BRICD5: variants seen among roughly 807,000 people sequenced by gnomAD.
BRICD5 encodes the protein BRICHOS domain containing 5.
BRICD5 carries 51 observed loss-of-function variants against 28.4 expected under a neutral mutation model. The ratio of observed to expected loss-of-function variants is 1.80; its 90% CI spans 1.43 to 2.27. The LOEUF is 2.27. Among genes scored for constraint, BRICD5 ranks in the 30% most tolerant of loss-of-function variants. BRICD5 has a pLI of 0.00. For synonymous variants in BRICD5, 177 were observed against 130.2 expected, an observed-to-expected ratio of 1.36 and a Z score of -2.44; for missense variants, 456 against 309.6, an observed-to-expected ratio of 1.47 and a Z score of -3.55.
chr16:2,209,873 C>G, intron 4 of BRICD5, 77 bp downstream of exon 4: 1 of 1,411,674 alleles, frequency 7.1e-7, no homozygotes, highest in Non-Finnish European at 9.5e-7. Flanking sequence ...ACAGCTCCAG[C>G]CTGTCCCGTA....
Position 2,210,191 on chromosome 16 carries a change from C to T in BRICD5, c.271G>A (p.Ala91Thr), listed in dbSNP as rs757030655. ...TILVDVARNA[A>T]TITVTPPQSN... ...TGAGGTGGGGTCACTGTGATGGTCG[C>T]CGCGTTCCGGGCCACGTCCACCAGG... The change falls in exon 3 of 6, where the codon GCG (alanine) becomes ACG (threonine). Residue 91 changes from alanine to threonine, a missense_variant. Physicochemically the swap from Ala to Thr is moderately conservative, Grantham distance 58 (BLOSUM62 0). Coordinates refer to ENST00000328540, the MANE Select transcript of BRICD5 (RefSeq NM_182563.4). 1 of 1,600,858 alleles carries T rather than the reference C, an allele frequency of 6.2e-7. No individual in the cohort carries two copies. Among genetic ancestry groups the T allele is most frequent in the Admixed American group, 1.7e-5 (1 of 58,848 alleles).
rs1159573153 is a variant in BRICD5, at chr16:2,210,008, A to G, written c.380T>C (p.Leu127Pro). ...YRPEEHQVCF[L>P]RLMEDSDRET... ...CCGATCACTGTCCTCCATCAGGCGG[A>G]GGAAGCAGACCTGGTGCTCCTCAGG... The change falls in exon 4 of 6, where the codon CTC becomes CCC. Residue 127 changes from leucine (L) to proline (P), a missense_variant. Leu to Pro is a moderately conservative substitution (Grantham distance 98, BLOSUM62 -3). Transcript: ENST00000328540. The G allele has an allele frequency of 1.9e-6, 3 of 1,563,072 alleles. No homozygotes were observed. Among genetic ancestry groups the G allele is most frequent in the Admixed American group, 3.6e-5 (2 of 55,788 alleles).
intron 1 of BRICD5, 41 bp downstream of exon 1, chr16:2,210,742 C>A (rs746683461): frequency 4.4e-6 from 7 of 1,608,714 alleles, no homozygotes; most frequent in Non-Finnish European, 5.9e-6. Context: ...GCCTGGGGCA[C>A]CCCCTGGGTC....
At position 2,210,849 on chromosome 16, in the gene BRICD5, C is replaced by T. The variant is rs761061115; in HGVS notation, c.-16G>A. 1 of 1,600,712 alleles carries T rather than the reference C, an allele frequency of 6.2e-7. No homozygotes were observed. The highest frequency in any genetic ancestry group is 8.5e-7 in the Non-Finnish European group (1 of 1,179,868). On this transcript the variant is annotated 5_prime_UTR_variant, in exon 1 of 6. Coordinates refer to ENST00000328540, the MANE Select transcript of BRICD5 (RefSeq NM_182563.4). ...CTGGTTCCATCCTGCAGCCCCTGCT[C>T]ACAATGTGCCGATTGTCTGCGTCCC...
Position 2,210,261 on chromosome 16 carries a change from T to C in BRICD5, c.201A>G (p.Arg67=), listed in dbSNP as rs771456814. ...GPPKPRLQTL[R]MTLPSPHMPR... is the part of the protein sequence containing the mutation. ...GCATGTGGGGGCTCGGGAGGGTCATTCGCAGCGTCTGCAGCCTTGGCTGGC... is the reference window on the plus strand; with the variant it reads ...GCATGTGGGGGCTCGGGAGGGTCATCCGCAGCGTCTGCAGCCTTGGCTGGC... The change falls in exon 3 of 6, where the codon CGA becomes CGG. Residue 67 remains arginine (R), a synonymous_variant. Transcript: ENST00000328540. 1.3e-6 allele frequency: 2 copies of C among 1,538,692 alleles called. No individual in the cohort carries two copies. Among genetic ancestry groups the C allele is most frequent in the Non-Finnish European group, 8.8e-7 (1 of 1,142,818 alleles).
rs775184616 is a variant in BRICD5, at chr16:2,209,539, C to A, written c.592+14G>T. 3 of 1,612,180 alleles carry A rather than the reference C, an allele frequency of 1.9e-6. No individual in the cohort carries two copies. Among genetic ancestry groups the A allele is most frequent in the Admixed American group, 3.3e-5 (2 of 60,032 alleles). The stretch of plus-strand genomic sequence containing the variant: ...CCGAGGGCCTGGCCTTCCCCCACAG[C>A]GGTCCTGACTCACCCTCTGCTCGCC... On this transcript the variant is annotated intron_variant, in intron 5 of 5. Coordinates refer to ENST00000328540, the MANE Select transcript of BRICD5 (RefSeq NM_182563.4).
intron 4 of BRICD5, 95 bp downstream of exon 4, chr16:2,209,855 C>T: frequency 7.1e-7 from 1 of 1,400,906 alleles, no homozygotes; most frequent in Admixed American, 2.5e-5. Context: ...TTCCTGTTCC[C>T]TGAAACCACA....
At chr16:2,210,711 G>T (rs530375997) in intron 1 of BRICD5, 61 bp from the exon 2 acceptor site, 28 of 1,609,590 alleles carry the variant, frequency 1.7e-5, no homozygotes, top group Middle Eastern at 1.6e-4. Flanking sequence ...CAAGTGGGCT[G>T]GGGAAGGGAG....
Position 2,210,002 on chromosome 16 carries a change from A to AG in BRICD5, c.385dup (p.Leu129ProfsTer6), listed in dbSNP as rs748718649. On this transcript the variant is annotated frameshift_variant, in exon 4 of 6. Transcript: ENST00000328540. LOFTEE classifies it high-confidence loss of function. ...GGTCTCCCGATCACTGTCCTCCATC[A>AG]GGCGGAGGAAGCAGACCTGGTGCTC... is the stretch of plus-strand genomic sequence containing the variant. 20 of 1,556,792 alleles carry AG rather than the reference A, an allele frequency of 1.3e-5. No homozygotes were observed. Among genetic ancestry groups the AG allele is most frequent in the East Asian group, 4.5e-5 (2 of 44,048 alleles).
chr16:2,210,272 G>A lies in BRICD5; in HGVS notation c.190C>T (p.Gln64Ter). Residue 64 changes from glutamine to a stop codon, truncating the protein, a stop_gained, in exon 3 of 6, where the codon CAG becomes TAG. Transcript: ENST00000328540. LOFTEE classifies it high-confidence loss of function. The part of the protein sequence containing the change: ...SAQGPPKPRL[Q>*]TLRMTLPSPH... ...CTCGGGAGGGTCATTCGCAGCGTCT[G>A]CAGCCTTGGCTGGCAGTGGGAGTTG... The A allele has an allele frequency of 6.5e-7, 1 of 1,531,116 alleles. No homozygotes were observed. Among genetic ancestry groups the A allele is most frequent in the Non-Finnish European group, 8.8e-7 (1 of 1,137,948 alleles). 94.8% of individuals were successfully genotyped at this position (1,531,116 alleles called of 1,614,324 possible).
chr16:2,210,210 C>A lies in BRICD5; in HGVS notation c.252G>T (p.Val84=). ...TGGTCGCCGCGTTCCGGGCCACGTC[C>A]ACCAGGATGGTTTGGTTGGGCCGGG... ...HMPRPNQTIL[V]DVARNAATIT... The change falls in exon 3 of 6, where the codon GTG becomes GTT. Residue 84 remains valine, a synonymous_variant. Transcript: ENST00000328540. The A allele has an allele frequency of 6.3e-7, 1 of 1,587,844 alleles. No homozygotes were observed.
chr16:2,210,443 C>G (rs1469090434), intron 2 of BRICD5, 79 bp downstream of exon 2: 33 of 1,542,518 alleles, frequency 2.1e-5, no homozygotes, highest in Non-Finnish European at 2.8e-5. Context: ...CGCACCCTTG[C>G]TCTGCTGGAG....
Position 2,210,840 on chromosome 16 carries a change from G to A in BRICD5, c.-7C>T. On this transcript the variant is annotated 5_prime_UTR_variant, in exon 1 of 6. Coordinates refer to ENST00000328540, the MANE Select transcript of BRICD5 (RefSeq NM_182563.4). ...AGCAGCTTGCTGGTTCCATCCTGCA[G>A]CCCCTGCTCACAATGTGCCGATTGT... 6.2e-7 allele frequency: 1 copy of A among 1,601,516 alleles called. No homozygotes were observed. Among genetic ancestry groups the A allele is most frequent in the Non-Finnish European group, 8.5e-7 (1 of 1,179,886 alleles).
chr16:2,209,258 G>C lies in BRICD5; in HGVS notation c.*104C>G. ...TAGAGAACACCACCACCATGGCCAG[G>C]TGGAAGGGTTTATTAGTCCCTGCCA... On this transcript the variant is annotated 3_prime_UTR_variant, in exon 6 of 6. Transcript: ENST00000328540. 1 of 1,089,516 alleles carries C rather than the reference G, an allele frequency of 9.2e-7. No homozygotes were observed. The highest frequency in any genetic ancestry group is 1.3e-6 in the Non-Finnish European group (1 of 743,126). 67.5% of individuals were successfully genotyped at this position (1,089,516 alleles called of 1,614,324 possible).
chr16:2,210,723 G>A (rs1391279328), intron 1 of BRICD5, 60 bp downstream of exon 1: 39 of 1,609,662 alleles, frequency 2.4e-5, no homozygotes, highest in East Asian at 1.1e-4. Flanking sequence ...GGAAGGGAGG[G>A]GCTGGGTGGC....
At chr16:2,210,683 G>A (rs925818305) in intron 1 of BRICD5, 33 bp from the exon 2 acceptor site, 14 of 1,610,972 alleles carry the variant, frequency 8.7e-6, no homozygotes, top group Non-Finnish European at 1.0e-5. Flanking sequence ...AGGGTCATGA[G>A]GGTTAGACAT....
chr16:2,209,874 C>T (rs1408658520), intron 4 of BRICD5, 76 bp downstream of exon 4: 11 of 1,406,746 alleles, frequency 7.8e-6, no homozygotes, highest in South Asian at 1.4e-5. Flanking sequence ...CAGCTCCAGC[C>T]TGTCCCGTAC....
chr16:2,210,507 T>C lies in BRICD5; in HGVS notation c.180+15A>G, dbSNP rs2093369054. On this transcript the variant is annotated intron_variant, in intron 2 of 5. Coordinates refer to ENST00000328540, the MANE Select transcript of BRICD5 (RefSeq NM_182563.4). ...TTTCCACTGTCCATGTCCCTGGTGC[T>C]GAGGAGGGGCTCACCTTGGGAGGGC... 6.3e-7 allele frequency: 1 copy of C among 1,594,800 alleles called. No homozygotes were observed. The highest frequency in any genetic ancestry group is 1.3e-5 in the African/African-American group (1 of 74,348).
chr16:2,209,796 T>TC, intron 4 of BRICD5, 90 bp from the exon 5 acceptor site: 2 of 1,427,456 alleles, frequency 1.4e-6, no homozygotes, highest in East Asian at 2.3e-5. Flanking sequence ...CCCAGTGATG[T>TC]CCCCACCCTC....
Sources: gnomAD v4.1 joint callset for allele counts on GRCh38, gnomAD v4.1.1 for gene constraint, MANE v1.5 for transcripts, NCBI Gene and HGNC (gene_info 2026-07-23, HGNC 2026-07-21) for gene names.